Variants in KHDRBS2 observed in about 807,000 individuals in gnomAD.
KHDRBS2 encodes the protein KH domain-containing, RNA-binding, signal transduction-associated protein 2.
KHDRBS2 carries 26 observed loss-of-function variants against 44.3 expected under a neutral mutation model. The observed-to-expected ratio is 0.59, with a 90% CI of 0.43 to 0.81. KHDRBS2 has a LOEUF of 0.81. Ranked by LOEUF, KHDRBS2 falls within the 40% of genes least tolerant of loss-of-function variation. The pLI, the probability that KHDRBS2 is intolerant of heterozygous loss-of-function variation, is 0.00. For synonymous variants in KHDRBS2, 194 were observed against 151.1 expected (o/e 1.28, Z -2.08); for missense variants, 476 against 433.1 (o/e 1.10, Z -0.88).
At chr6:61,790,887 A>G (rs1784538080) in intron 6 of KHDRBS2, among the ~76,000 whole-genome samples, 1 of 151,536 alleles carries the variant, frequency 6.6e-6, no homozygotes, top group Non-Finnish European at 1.5e-5. Context: ...TGAAGTCATT[A>G]TGGTCTAGAA....
chr6:62,114,492 T>C (rs1199269357), intron 2 of KHDRBS2, among the ~76,000 whole-genome samples: 1 of 152,072 alleles, frequency 6.6e-6, no homozygotes, highest in African/African-American at 2.4e-5. Context: ...ATATCAATTA[T>C]AAGGAGTATT....
chr6:61,742,765 A>C (rs2127564705), intron 6 of KHDRBS2, among the ~76,000 whole-genome samples: 1 of 152,218 alleles, frequency 6.6e-6, no homozygotes, highest in East Asian at 1.9e-4. Context: ...CATTAAACCT[A>C]ACAGTTTAGC....
At chr6:61,918,989 A>G (rs1807530898) in intron 4 of KHDRBS2, among the ~76,000 whole-genome samples, 1 of 151,810 alleles carries the variant, frequency 6.6e-6, no homozygotes, top group Admixed American at 6.6e-5. Flanking sequence ...TCTCTCTACA[A>G]CCTGTTTTTT....
the KHDRBS2 span, among the ~76,000 whole-genome samples, chr6:61,621,736 A>G: frequency 6.6e-6 from 1 of 152,192 alleles, no homozygotes; most frequent in Non-Finnish European, 1.5e-5. Context: ...GCTTCTAATC[A>G]TAACAGAACA....
the KHDRBS2 span, among the ~76,000 whole-genome samples, chr6:61,587,445 C>G: frequency 6.6e-6 from 1 of 152,012 alleles, no homozygotes; most frequent in African/African-American, 2.4e-5. Context: ...ACAGGAACAT[C>G]TGCACTCGCC....
At chr6:62,133,314 T>C (rs1048576478) in intron 2 of KHDRBS2, among the ~76,000 whole-genome samples, 1 of 152,140 alleles carries the variant, frequency 6.6e-6, no homozygotes, top group East Asian at 1.9e-4. Context: ...ACTGTTCTCG[T>C]GGTAGTAAGT....
chr6:61,684,551 T>C (rs753531641), intron 8 of KHDRBS2, among the ~76,000 whole-genome samples: 9 of 151,822 alleles, frequency 5.9e-5, no homozygotes, highest in Non-Finnish European at 1.2e-4. Flanking sequence ...TCTAGTCCCA[T>C]GGTGTGGTCT....
At chr6:61,588,179 A>G in the KHDRBS2 span, among the ~76,000 whole-genome samples, 1 of 152,318 alleles carries the variant, frequency 6.6e-6, no homozygotes, top group Non-Finnish European at 1.5e-5. Context: ...TATCCTAATT[A>G]TGATTCATGT....
chr6:62,108,747 C>A (rs1804195338), intron 2 of KHDRBS2, among the ~76,000 whole-genome samples: 1 of 152,142 alleles, frequency 6.6e-6, no homozygotes, highest in African/African-American at 2.4e-5. Flanking sequence ...CATATATACA[C>A]CATGGAATAC....
chr6:62,033,012 G>C (rs975032728), intron 3 of KHDRBS2, among the ~76,000 whole-genome samples: 18 of 151,800 alleles, frequency 1.2e-4, no homozygotes, highest in African/African-American at 3.9e-4. Context: ...AATTTAACAA[G>C]AGATTGAAAT....
intron 7 of KHDRBS2, among the ~76,000 whole-genome samples, chr6:61,718,396 A>G (rs146766290): frequency 4.6e-5 from 7 of 152,290 alleles, no homozygotes; most frequent in Middle Eastern, 3.4e-3. Flanking sequence ...CATTATTTAT[A>G]TGTTCAAGCA....
At chr6:61,919,651 T>C (rs562220169) in intron 4 of KHDRBS2, among the ~76,000 whole-genome samples, 7 of 152,060 alleles carry the variant, frequency 4.6e-5, no homozygotes, top group Admixed American at 3.3e-4. Flanking sequence ...TATTATTTTG[T>C]TTAATTTCTT....
At chr6:61,816,702 T>G (rs1367784138) in intron 6 of KHDRBS2, 1 of 413,180 alleles carries the variant, frequency 2.4e-6, no homozygotes, top group Non-Finnish European at 4.9e-6. Flanking sequence ...CAGACTCATT[T>G]ATTCTTAAAG....
At chr6:62,216,034 A>T (rs1829923500) in intron 1 of KHDRBS2, among the ~76,000 whole-genome samples, 1 of 151,798 alleles carries the variant, frequency 6.6e-6, no homozygotes, top group Non-Finnish European at 1.5e-5. Flanking sequence ...TTAATTTTAA[A>T]GATTTTGTAC....
At chr6:61,894,582 G>T in intron 6 of KHDRBS2, 53 bp downstream of exon 6, 1 of 1,431,860 alleles carries the variant, frequency 7.0e-7, no homozygotes, top group Non-Finnish European at 9.7e-7. Flanking sequence ...GACGTAGCTT[G>T]TTAACTAATC....
chr6:62,177,218 TTCTGAGAGCTTTA>T lies in KHDRBS2; in HGVS notation c.173_185del (p.Ile58LysfsTer4). 6.3e-7 allele frequency: 1 copy of T among 1,592,556 alleles called. No homozygotes were observed. The highest frequency in any genetic ancestry group is 8.6e-7 in the Non-Finnish European group (1 of 1,162,506). On this transcript the variant is annotated frameshift_variant, in exon 2 of 9. Transcript: ENST00000281156. LOFTEE classifies it high-confidence loss of function. The stretch of plus-strand genomic sequence containing the variant: ...ACTGCTTGACAGGAATCAGTACTCT[TTCTGAGAGCTTTA>T]TGTTTTTGTTGCTGATGACATCAAG...
intron 2 of KHDRBS2, among the ~76,000 whole-genome samples, chr6:62,071,207 T>G (rs1313255644): frequency 6.6e-6 from 1 of 152,144 alleles, no homozygotes; most frequent in Admixed American, 6.6e-5. Context: ...TTCTTGTAAA[T>G]TTGTTTGAGA....
At chr6:61,677,778 C>T (rs1478624874), downstream of KHDRBS2, among the ~76,000 whole-genome samples, 6 of 151,862 alleles carry the variant, frequency 4.0e-5, no homozygotes, top group Non-Finnish European at 8.8e-5. Context: ...GCCCACTGGG[C>T]TTCTGCTTTC....
At chr6:61,722,740 C>T (rs62426169) in intron 7 of KHDRBS2, among the ~76,000 whole-genome samples, 57,556 of 150,680 alleles carry the variant, frequency 0.38, 12,022 homozygotes, top group African/African-American at 0.57. Context: ...GATGGAGTCT[C>T]GCTCTGTCAC....
Sources: gnomAD v4.1 joint callset for allele counts (sites outside exome capture counted in the v4.1 genomes callset) on GRCh38, gnomAD v4.1.1 for gene constraint, MANE v1.5 for transcripts, NCBI Gene and HGNC (gene_info 2026-07-23, HGNC 2026-07-21) for gene names.